Variants in CEP192 observed in about 807,000 individuals in gnomAD.
The protein encoded by CEP192 is centrosomal protein of 192 kDa.
CEP192 carries 151 observed loss-of-function variants against 271.8 expected under a neutral mutation model. That is an observed-to-expected ratio of 0.56 (90% CI 0.49 to 0.64). The LOEUF is 0.64. Among genes scored for constraint, CEP192 ranks in the 30% least tolerant of loss-of-function variants. CEP192 has a pLI of 0.00. For synonymous variants in CEP192, 995 were observed against 1,076.5 expected (o/e 0.92, Z 1.48); for missense variants, 2,910 against 3,020.5 (o/e 0.96, Z 0.86).
At chr18:13,059,407 C>T (rs1013024755) in intron 21 of CEP192, 95 bp downstream of exon 21, 26 of 927,992 alleles carry the variant, frequency 2.8e-5, no homozygotes, top group South Asian at 1.5e-4. Flanking sequence ...AATTTGTGGA[C>T]GAAGGTGCCA....
At chr18:13,034,894 C>T (rs1278215873) in intron 11 of CEP192, among the ~76,000 whole-genome samples, 3 of 151,948 alleles carry the variant, frequency 2.0e-5, no homozygotes, top group Admixed American at 2.0e-4. Context: ...AGCTCAGCTC[C>T]ATCTATTCAA....
Position 13,114,223 on chromosome 18 carries a change from G to A in CEP192, c.7261G>A (p.Val2421Met). ...TTTAGTTAAGCCCCGAAGACAAGCT[G>A]TGTCAGAGGCTTCTGCTCGCATACC... ...DHLVKPRRQA[V>M]SEASARIPEQ... Residue 2421 changes from valine (V) to methionine (M), a missense_variant, in exon 42 of 45, where the codon GTG becomes ATG. Physicochemically the swap from Val to Met is conservative, Grantham distance 21. Coordinates refer to ENST00000506447, the MANE Select transcript of CEP192 (RefSeq NM_032142.4). 6.2e-7 allele frequency: 1 copy of A among 1,613,928 alleles called. No homozygotes were observed. Among genetic ancestry groups the A allele is most frequent in the Non-Finnish European group, 8.5e-7 (1 of 1,179,954 alleles).
At chr18:13,027,063 G>A (rs949150047) in intron 9 of CEP192, among the ~76,000 whole-genome samples, 1 of 151,996 alleles carries the variant, frequency 6.6e-6, no homozygotes, top group Non-Finnish European at 1.5e-5. Context: ...CTGTGATTCA[G>A]TCTCAGTCTT....
intron 30 of CEP192, among the ~76,000 whole-genome samples, chr18:13,086,388 A>AT (rs995042165): frequency 6.6e-6 from 1 of 152,174 alleles, no homozygotes; most frequent in African/African-American, 2.4e-5. Flanking sequence ...GTCTTGCCTG[A>AT]TTGCCTTGGC....
chr18:13,100,834 A>G (rs1361032743), intron 38 of CEP192, among the ~76,000 whole-genome samples: 1 of 152,222 alleles, frequency 6.6e-6, no homozygotes, highest in Non-Finnish European at 1.5e-5. Context: ...CAGTGGGTGG[A>G]GCCTGGCTTC....
chr18:13,123,185 A>AT (rs1353853077), intron 44 of CEP192, among the ~76,000 whole-genome samples: 3 of 152,170 alleles, frequency 2.0e-5, no homozygotes, highest in Non-Finnish European at 2.9e-5. Flanking sequence ...ATGGTACTAT[A>AT]TTTATCCAAG....
intron 3 of CEP192, among the ~76,000 whole-genome samples, chr18:13,007,736 T>C (rs1220675214): frequency 6.6e-6 from 1 of 152,106 alleles, no homozygotes. Context: ...GTAGTTAGGG[T>C]TGGAGAGTTG....
chr18:13,096,784 A>G (rs112212981), intron 36 of CEP192, among the ~76,000 whole-genome samples: 1 of 152,320 alleles, frequency 6.6e-6, no homozygotes, highest in African/African-American at 2.4e-5. Context: ...TGTATGAGCC[A>G]TAACCTTGCT....
chr18:13,049,262 C>T lies in CEP192; in HGVS notation c.2471C>T (p.Pro824Leu), dbSNP rs780716624. The T allele has an allele frequency of 5.3e-5, 86 of 1,613,946 alleles. No homozygotes were observed. The highest frequency in any genetic ancestry group is 2.3e-4 in the African/African-American group (17 of 74,898). Reference sequence around the variant, plus strand: ...GAACAAACTACTCAAGACATTCATCCGGTGGACTTAAGTGCTACTAGTGTA... The same window carrying T: ...GAACAAACTACTCAAGACATTCATCTGGTGGACTTAAGTGCTACTAGTGTA... ...PKEQTTQDIH[P>L]VDLSATSVSV... Residue 824 changes from proline (P) to leucine (L), a missense_variant, in exon 16 of 45, where the codon CCG becomes CTG. By Grantham distance (98) the Pro-to-Leu change is moderately conservative. Coordinates refer to ENST00000506447, the MANE Select transcript of CEP192 (RefSeq NM_032142.4).
At chr18:12,996,210 T>G (rs1599012686) in intron 1 of CEP192, among the ~76,000 whole-genome samples, 1 of 129,052 alleles carries the variant, frequency 7.7e-6, no homozygotes, top group South Asian at 3.1e-4. Context: ...CATAGCAGGG[T>G]TGGGGGGTAG....
At chr18:13,001,627 C>A in intron 3 of CEP192, 45 bp downstream of exon 3, 2 of 1,473,192 alleles carry the variant, frequency 1.4e-6, no homozygotes, top group South Asian at 1.3e-5. Context: ...AAAAGTGGGT[C>A]TTACGCAGTC....
intron 22 of CEP192, 34 bp from the exon 23 acceptor site, chr18:13,068,060 G>A (rs1165845679): frequency 1.9e-6 from 3 of 1,611,590 alleles, no homozygotes; most frequent in Admixed American, 3.3e-5. Context: ...TACACTGTTG[G>A]CTTTACTGAA....
intron 15 of CEP192, among the ~76,000 whole-genome samples, chr18:13,042,812 T>C (rs141179891): frequency 3.5e-4 from 54 of 152,358 alleles, no homozygotes; most frequent in African/African-American, 1.3e-3. Context: ...TTCTGTTATA[T>C]GAATATTCTA....
Position 13,037,269 on chromosome 18 carries a change from G to A in CEP192, c.1567G>A (p.Glu523Lys). The A allele has an allele frequency of 2.2e-6, 3 of 1,370,632 alleles. No individual in the cohort carries two copies. The highest frequency in any genetic ancestry group is 3.0e-6 in the Non-Finnish European group (3 of 986,012). The allele number at this position is 1,370,632 out of a possible 1,614,324, so 84.9% of individuals were successfully genotyped here. Residue 523 changes from glutamate to lysine, a missense_variant, in exon 12 of 45, where the codon GAA (glutamate) becomes AAA (lysine). Coordinates refer to ENST00000506447, the MANE Select transcript of CEP192 (RefSeq NM_032142.4). ...ATTTGATTTGATTGCACAAGATGAA[G>A]AAGAATTTAATAAAGAGCATCAATT... ...EAFDLIAQDE[E>K]EFNKEHQFIQ...
chr18:13,119,376 A>T (rs902011692), intron 44 of CEP192, among the ~76,000 whole-genome samples: 2 of 152,238 alleles, frequency 1.3e-5, no homozygotes, highest in African/African-American at 4.8e-5. Flanking sequence ...CTTCTGTTCA[A>T]ACTGGCATAC....
intron 2 of CEP192, chr18:13,000,584 G>C (rs1172451370): frequency 6.6e-6 from 1 of 152,168 alleles, no homozygotes; most frequent in Admixed American, 6.5e-5. Flanking sequence ...CTTTCAATCT[G>C]TCCTAGGTTT....
chr18:13,106,230 C>T (rs2039938454), intron 40 of CEP192, among the ~76,000 whole-genome samples: 1 of 152,084 alleles, frequency 6.6e-6, no homozygotes, highest in Non-Finnish European at 1.5e-5. Flanking sequence ...TCCCCCATTA[C>T]TACTACCACT....
chr18:13,112,662 G>A (rs1598636886), intron 40 of CEP192, among the ~76,000 whole-genome samples: 1 of 152,080 alleles, frequency 6.6e-6, no homozygotes, highest in East Asian at 1.9e-4. Flanking sequence ...TCTTCTTAGT[G>A]TCCAAGCCCC....
chr18:13,079,165 C>G (rs555634704), intron 30 of CEP192, among the ~76,000 whole-genome samples: 2 of 152,246 alleles, frequency 1.3e-5, no homozygotes, highest in East Asian at 3.9e-4. Flanking sequence ...AATGGGATTG[C>G]TGCGTCAAAT....
Sources: gnomAD v4.1 joint callset for allele counts (sites outside exome capture counted in the v4.1 genomes callset) on GRCh38, gnomAD v4.1.1 for gene constraint, MANE v1.5 for transcripts, NCBI Gene and HGNC (gene_info 2026-07-23, HGNC 2026-07-21) for gene names.